NCAM2: variants seen among roughly 807,000 people sequenced by gnomAD.
NCAM2 encodes neural cell adhesion molecule 2, also known as N-CAM-2.
NCAM2 carries 30 observed loss-of-function variants against 98.1 expected under a neutral mutation model. The observed-to-expected ratio is 0.31, with a 90% CI of 0.23 to 0.41. The LOEUF is 0.41. NCAM2 is among the 10% of genes least tolerant of loss of function. The pLI, the probability that NCAM2 is intolerant of heterozygous loss-of-function variation, is 1.00. For missense variants in NCAM2, 867 were observed against 1,005.8 expected (o/e 0.86, Z 1.87); for synonymous variants, 368 against 342.4 (o/e 1.07, Z -0.83).
intron 4 of NCAM2, 69 bp from the exon 5 acceptor site, chr21:21,292,035 C>T (rs1360280850): frequency 6.9e-7 from 1 of 1,440,748 alleles, no homozygotes; most frequent in Non-Finnish European, 9.3e-7. Flanking sequence ...TAACTCTTAA[C>T]AATTTAGAGC....
intron 1 of NCAM2, among the ~76,000 whole-genome samples, chr21:21,111,875 G>A (rs757828112): frequency 2.0e-5 from 3 of 152,042 alleles, no homozygotes; most frequent in Non-Finnish European, 2.9e-5. Flanking sequence ...CCTCTCATTG[G>A]TCTGTGAATT....
At chr21:21,248,628 T>C (rs747934792) in intron 1 of NCAM2, among the ~76,000 whole-genome samples, 22 of 151,474 alleles carry the variant, frequency 1.5e-4, no homozygotes, top group Non-Finnish European at 3.2e-4. Flanking sequence ...TACAAAAAAA[T>C]TAGCTGGGCG....
chr21:21,073,792 A>G (rs962107404), intron 1 of NCAM2, among the ~76,000 whole-genome samples: 2 of 152,228 alleles, frequency 1.3e-5, no homozygotes, highest in Admixed American at 6.5e-5. Flanking sequence ...AAGTGCAGGC[A>G]TTTTAGGTCA....
chr21:21,192,889 G>T (rs2068869967), intron 1 of NCAM2, among the ~76,000 whole-genome samples: 1 of 152,160 alleles, frequency 6.6e-6, no homozygotes, highest in South Asian at 2.1e-4. Flanking sequence ...CCAGGTTCAA[G>T]ATATTATCTG....
chr21:21,442,363 G>T (rs55723640), intron 12 of NCAM2, among the ~76,000 whole-genome samples: 17,226 of 152,082 alleles, frequency 0.11, 1,061 homozygotes, highest in Middle Eastern at 0.15. Flanking sequence ...GAACATGGAG[G>T]ATAGGACATA....
At chr21:21,370,070 AT>A (rs1396195102) in intron 8 of NCAM2, among the ~76,000 whole-genome samples, 1 of 151,700 alleles carries the variant, frequency 6.6e-6, no homozygotes, top group African/African-American at 2.4e-5. Context: ...CCCACATTAA[AT>A]TTTGCAATTG....
At chr21:21,261,805 GAAAAACAAGAA>G (rs1568849322) in intron 1 of NCAM2, among the ~76,000 whole-genome samples, 1 of 151,596 alleles carries the variant, frequency 6.6e-6, no homozygotes, top group South Asian at 2.1e-4. Context: ...TAAGAAACTA[GAAAAACAAGAA>G]AAAATCAAAC....
At chr21:21,309,028 A>G (rs532496249) in intron 5 of NCAM2, among the ~76,000 whole-genome samples, 1 of 152,312 alleles carries the variant, frequency 6.6e-6, no homozygotes, top group East Asian at 1.9e-4. Flanking sequence ...GAAAATGAAA[A>G]TAAAAATAAG....
intron 1 of NCAM2, among the ~76,000 whole-genome samples, chr21:21,228,357 G>T (rs1849024561): frequency 6.6e-6 from 1 of 151,458 alleles, no homozygotes; most frequent in Non-Finnish European, 1.5e-5. Context: ...GCAATTTTCT[G>T]CCTGATATCT....
chr21:21,085,868 G>A (rs960538788), intron 1 of NCAM2, among the ~76,000 whole-genome samples: 9 of 152,128 alleles, frequency 5.9e-5, no homozygotes, highest in Non-Finnish European at 1.2e-4. Context: ...GAGTCAAACA[G>A]CAAGTATGAT....
intron 1 of NCAM2, among the ~76,000 whole-genome samples, chr21:21,208,457 C>A (rs905419909): frequency 6.6e-6 from 1 of 152,112 alleles, no homozygotes; most frequent in Non-Finnish European, 1.5e-5. Context: ...CCCAAGTGTG[C>A]TGACATCTAC....
At chr21:21,352,087 G>A (rs985550899) in intron 8 of NCAM2, among the ~76,000 whole-genome samples, 1 of 151,648 alleles carries the variant, frequency 6.6e-6, no homozygotes, top group African/African-American at 2.4e-5. Context: ...GTTTTTTTGA[G>A]AAAGGGTCTT....
At chr21:21,190,064 GT>G (rs1466615589) in intron 1 of NCAM2, among the ~76,000 whole-genome samples, 1 of 152,202 alleles carries the variant, frequency 6.6e-6, no homozygotes, top group African/African-American at 2.4e-5. Flanking sequence ...GAATGCATAT[GT>G]GTTTACATTG....
chr21:21,459,124 A>G (rs1187365467), intron 12 of NCAM2, among the ~76,000 whole-genome samples: 1 of 152,164 alleles, frequency 6.6e-6, no homozygotes, highest in Non-Finnish European at 1.5e-5. Context: ...TCATCAGAGA[A>G]ATGAAATCAA....
chr21:21,319,089 C>G (rs1292467271), intron 5 of NCAM2, among the ~76,000 whole-genome samples: 1 of 151,886 alleles, frequency 6.6e-6, no homozygotes, highest in African/African-American at 2.4e-5. Context: ...TGCATGTCAG[C>G]TTGGGTGACA....
At chr21:21,074,261 G>A (rs1240690845) in intron 1 of NCAM2, among the ~76,000 whole-genome samples, 2 of 151,302 alleles carry the variant, frequency 1.3e-5, no homozygotes, top group Admixed American at 6.6e-5. Flanking sequence ...TAATTTAAAC[G>A]ATTTTGATGA....
intron 1 of NCAM2, among the ~76,000 whole-genome samples, chr21:21,258,942 G>T (rs1292304295): frequency 6.6e-6 from 1 of 152,100 alleles, no homozygotes; most frequent in African/African-American, 2.4e-5. Context: ...AAGGAAACAC[G>T]GACGTGGCAC....
chr21:21,306,190 T>G (rs1248920944), intron 5 of NCAM2, among the ~76,000 whole-genome samples: 1 of 152,196 alleles, frequency 6.6e-6, no homozygotes, highest in Non-Finnish European at 1.5e-5. Context: ...TTGGTAATTA[T>G]CAGTTAGGTT....
intron 1 of NCAM2, among the ~76,000 whole-genome samples, chr21:21,219,650 TTA>T (rs2070055259): frequency 6.6e-6 from 1 of 152,160 alleles, no homozygotes; most frequent in Non-Finnish European, 1.5e-5. Context: ...TGTTACAGGT[TTA>T]GATATTTACT....
Sources: gnomAD v4.1 joint callset for allele counts (sites outside exome capture counted in the v4.1 genomes callset) on GRCh38, gnomAD v4.1.1 for gene constraint, MANE v1.5 for transcripts, NCBI Gene and HGNC (gene_info 2026-07-23, HGNC 2026-07-21) for gene names.